DKK3: variants seen among roughly 807,000 people sequenced by gnomAD.
DKK3 encodes the protein dickkopf-related protein 3.
A neutral mutation model predicts 33.2 loss-of-function variants in DKK3; 22 were observed. The ratio of observed to expected loss-of-function variants is 0.66; its 90% confidence interval spans 0.47 to 0.95. The LOEUF (loss-of-function observed/expected upper bound fraction) is 0.95. Among genes scored for constraint, DKK3 ranks in the 40% least tolerant of loss-of-function variants. The pLI is 0.00. For synonymous variants in DKK3, 194 were observed against 188.8 expected, an observed-to-expected ratio of 1.03 and a Z score of -0.23; for missense variants, 398 against 458.4, an observed-to-expected ratio of 0.87 and a Z score of 1.20.
intron 3 of DKK3, among the ~76,000 whole-genome samples, chr11:11,996,722 G>A (rs1382723583): frequency 6.6e-6 from 1 of 152,218 alleles, no homozygotes. Flanking sequence ...TCCAGCACGT[G>A]GGGTACTTAG....
chr11:12,004,567 G>C (rs1250885910), intron 1 of DKK3, among the ~76,000 whole-genome samples: 1 of 152,202 alleles, frequency 6.6e-6, no homozygotes, highest in African/African-American at 2.4e-5. Flanking sequence ...CAGGATTCTG[G>C]AGTCAGACAA....
At chr11:11,981,327 G>A (rs1174762039) in intron 3 of DKK3, among the ~76,000 whole-genome samples, 1 of 152,174 alleles carries the variant, frequency 6.6e-6, no homozygotes, top group Non-Finnish European at 1.5e-5. Flanking sequence ...TGGGTGAAAA[G>A]AGCCTCTAGA....
intron 3 of DKK3, among the ~76,000 whole-genome samples, chr11:11,985,808 T>C (rs567455307): frequency 4.5e-4 from 69 of 152,366 alleles, no homozygotes; most frequent in Non-Finnish European, 9.3e-4. Context: ...ATATTTGTTC[T>C]CTTTCCTTCC....
intron 3 of DKK3, among the ~76,000 whole-genome samples, chr11:11,986,978 G>T (rs955622457): frequency 3.3e-5 from 5 of 152,162 alleles, no homozygotes; most frequent in Non-Finnish European, 7.4e-5. Flanking sequence ...GCTCTTTACA[G>T]AATCTTACCT....
intron 3 of DKK3, among the ~76,000 whole-genome samples, chr11:11,997,871 G>A (rs747580585): frequency 2.0e-5 from 3 of 152,180 alleles, no homozygotes; most frequent in African/African-American, 4.8e-5. Flanking sequence ...ACCAAAAGAC[G>A]TGGGGAAAAT....
chr11:11,996,571 C>T lies in DKK3; in HGVS notation c.435+2125G>A, dbSNP rs985243944. Among the ~76,000 whole-genome samples the T allele has an allele frequency of 2.6e-5, 4 of 152,206 alleles. No homozygotes were observed. In the East Asian group the frequency reaches 7.7e-4, roughly 29 times the overall value. ...TCTGTTCTCCAAAGCCCTGTGGGATCGTCCAGACACTGGCCAGTCAAGCAT... is the reference window on the plus strand; with the variant it reads ...TCTGTTCTCCAAAGCCCTGTGGGATTGTCCAGACACTGGCCAGTCAAGCAT... On this transcript the variant is annotated intron_variant, in intron 3 of 6. Coordinates refer to ENST00000683431, the MANE Select transcript of DKK3 (RefSeq NM_001018057.2).
At chr11:11,972,065 A>T (rs1449265213) in intron 3 of DKK3, among the ~76,000 whole-genome samples, 1 of 152,190 alleles carries the variant, frequency 6.6e-6, no homozygotes, top group Non-Finnish European at 1.5e-5. Context: ...GTCATACTAG[A>T]GACTTCCGGA....
At chr11:11,972,022 T>C (rs2135006995) in intron 3 of DKK3, among the ~76,000 whole-genome samples, 1 of 152,258 alleles carries the variant, frequency 6.6e-6, no homozygotes, top group South Asian at 2.1e-4. Flanking sequence ...GCAACTGCCA[T>C]TCCCAGCAGG....
intron 3 of DKK3, among the ~76,000 whole-genome samples, chr11:11,970,053 C>A (rs1385233133): frequency 6.6e-6 from 1 of 152,210 alleles, no homozygotes; most frequent in East Asian, 1.9e-4. Context: ...AGCACACGCT[C>A]TTGTGCACAG....
At position 11,964,598 on chromosome 11, in the gene DKK3, C is replaced by A; in HGVS notation, c.919G>T (p.Glu307Ter). 1.9e-6 allele frequency: 3 copies of A among 1,614,222 alleles called. No individual in the cohort carries two copies. The highest frequency in any genetic ancestry group is 2.5e-6 in the Non-Finnish European group (3 of 1,180,036). ...EILLPREVPD[E>*]YEVGSFMEEV... ...TCCATGAAGCTGCCAACTTCATACT[C>A]ATCGGGGACCTCTCTGGGCAGCAGG... Residue 307 changes from glutamate to a stop codon, truncating the protein, a stop_gained, in exon 7 of 7, where the codon GAG becomes TAG. Coordinates refer to ENST00000683431, the MANE Select transcript of DKK3 (RefSeq NM_001018057.2). LOFTEE classifies it high-confidence loss of function.
intron 3 of DKK3, among the ~76,000 whole-genome samples, chr11:11,984,877 C>T (rs371259359): frequency 6.6e-6 from 1 of 152,218 alleles, no homozygotes. Flanking sequence ...TTTCTTTTGC[C>T]CCCAACACTA....
chr11:11,984,950 G>C (rs988150714), intron 3 of DKK3, among the ~76,000 whole-genome samples: 4 of 152,210 alleles, frequency 2.6e-5, no homozygotes, highest in Admixed American at 2.6e-4. Flanking sequence ...AACTTTTCAA[G>C]TTGAATCGTT....
chr11:12,008,650 C>T (rs928480598), upstream of DKK3: 10 of 1,274,942 alleles, frequency 7.8e-6, no homozygotes, highest in South Asian at 2.0e-4. This position sits in a 1 kb window ranked among gnomAD's most constrained non-coding sequence, Gnocchi z 4.6. Context: ...CGGACCACCC[C>T]CCTCGCTGGG....
At chr11:11,980,904 T>C (rs7122133) in intron 3 of DKK3, among the ~76,000 whole-genome samples, 98,632 of 152,060 alleles carry the variant, frequency 0.65, 33,514 homozygotes, top group African/African-American at 0.86. Flanking sequence ...TCACTGGTGT[T>C]TCCAGGCAAC....
chr11:12,009,703 G>T (rs1848617625), upstream of DKK3: 1 of 985,686 alleles, frequency 1.0e-6, no homozygotes, highest in Non-Finnish European at 1.2e-6. Flanking sequence ...CCCCAGCCTG[G>T]CATTCAAGCC....
At chr11:11,965,753 T>A in intron 6 of DKK3, 56 bp downstream of exon 6, 1 of 1,585,200 alleles carries the variant, frequency 6.3e-7, no homozygotes, top group East Asian at 2.2e-5. Flanking sequence ...ACGCCCCTGC[T>A]GGATGGCACC....
rs375241584 is a variant in DKK3 at position 11,977,890 on chromosome 11, T to C, written c.436-9403A>G. Among the ~76,000 whole-genome samples, 13 of 152,328 alleles carry C rather than the reference T, an allele frequency of 8.5e-5. No individual in the cohort carries two copies. In the South Asian group the frequency reaches 2.7e-3, roughly 32 times the overall value. On this transcript the variant is annotated intron_variant, in intron 3 of 6. Coordinates refer to ENST00000683431, the MANE Select transcript of DKK3 (RefSeq NM_001018057.2). ...AAAGTGGGGAACCTCATGAGGTTAT[T>C]GGACAGATTAAAGGAGATTTAGCCA... is the stretch of plus-strand genomic sequence containing the variant.
chr11:11,991,992 C>G (rs1848198054), intron 3 of DKK3, among the ~76,000 whole-genome samples: 1 of 152,012 alleles, frequency 6.6e-6, no homozygotes, highest in Non-Finnish European at 1.5e-5. Flanking sequence ...TTTTTTTTGT[C>G]CACTATAGCC....
chr11:11,978,137 G>A (rs532788346), intron 3 of DKK3, among the ~76,000 whole-genome samples: 2 of 152,288 alleles, frequency 1.3e-5, no homozygotes, highest in Admixed American at 1.3e-4. Flanking sequence ...TTCAACAGGT[G>A]CATTTCTTGG....
Sources: gnomAD v4.1 joint callset for allele counts (sites outside exome capture counted in the v4.1 genomes callset) on GRCh38, gnomAD v4.1.1 for gene constraint, Gnocchi (gnomAD v3.1) non-coding constraint, MANE v1.5 for transcripts, NCBI Gene and HGNC (gene_info 2026-07-23, HGNC 2026-07-21) for gene names.